Variants in GSTCD observed in about 807,000 individuals in gnomAD.
The protein encoded by GSTCD is glutathione S-transferase C-terminal domain containing.
A neutral mutation model predicts 68.3 loss-of-function variants in GSTCD; 44 were observed. The ratio of observed to expected loss-of-function variants is 0.64; its 90% CI spans 0.51 to 0.83. The LOEUF is 0.83. GSTCD is among the 40% of genes least tolerant of loss of function. GSTCD has a pLI of 0.00. For synonymous variants in GSTCD, 273 were observed against 255.2 expected, an observed-to-expected ratio of 1.07 and a Z score of -0.67; for missense variants, 739 against 735.9, an observed-to-expected ratio of 1.00 and a Z score of -0.05.
intron 8 of GSTCD, among the ~76,000 whole-genome samples, chr4:105,829,057 C>T (rs2216515): frequency 0.8 from 121,401 of 151,848 alleles, 49,176 homozygotes; most frequent in East Asian, 0.96. Flanking sequence ...CTCTTCCCTA[C>T]CCATCTGCCT....
chr4:105,752,831 A>G (rs1382664195), intron 5 of GSTCD, among the ~76,000 whole-genome samples: 2 of 152,076 alleles, frequency 1.3e-5, no homozygotes, highest in African/African-American at 4.8e-5. Context: ...ATTTTGCTTC[A>G]AAGGCTAAAA....
chr4:105,712,442 C>A (rs1202811104), intron 1 of GSTCD: 3 of 152,076 alleles, frequency 2.0e-5, no homozygotes, highest in African/African-American at 7.3e-5. Context: ...GAGATGAGGT[C>A]AGAAAGGGAT....
chr4:105,843,409 A>G (rs1724432535), intron 11 of GSTCD: 1 of 152,190 alleles, frequency 6.6e-6, no homozygotes, highest in African/African-American at 2.4e-5. Flanking sequence ...CACTAGACCC[A>G]TGTCTTAGTC....
At chr4:105,782,593 CT>C (rs34412787) in intron 5 of GSTCD, among the ~76,000 whole-genome samples, 8 of 148,420 alleles carry the variant, frequency 5.4e-5, no homozygotes, top group Non-Finnish European at 7.5e-5. Flanking sequence ...CTTGAGAATC[CT>C]TTTTTTTTTG....
intron 3 of GSTCD, among the ~76,000 whole-genome samples, chr4:105,720,250 A>C (rs1732820316): frequency 1.3e-5 from 2 of 152,194 alleles, no homozygotes. Context: ...GAACAGGGTG[A>C]AAATAATACC....
At chr4:105,777,204 G>A (rs2149247213) in intron 5 of GSTCD, among the ~76,000 whole-genome samples, 1 of 152,292 alleles carries the variant, frequency 6.6e-6, no homozygotes, top group South Asian at 2.1e-4. Context: ...CCTAAGGATA[G>A]TGAATTGATT....
At chr4:105,818,950 T>C (rs1214457593) in intron 5 of GSTCD, among the ~76,000 whole-genome samples, 5 of 151,784 alleles carry the variant, frequency 3.3e-5, no homozygotes, top group African/African-American at 9.7e-5. Flanking sequence ...TTTGAAGATA[T>C]ACTATATCCA....
chr4:105,710,325 A>G (rs1435174145), intron 1 of GSTCD, among the ~76,000 whole-genome samples: 2 of 142,650 alleles, frequency 1.4e-5, no homozygotes, highest in Non-Finnish European at 3.0e-5. Context: ...GGCTCAAGCA[A>G]TTCTCCTGCC....
intron 5 of GSTCD, among the ~76,000 whole-genome samples, chr4:105,760,660 A>G (rs1734370694): frequency 6.6e-6 from 1 of 152,184 alleles, no homozygotes; most frequent in Non-Finnish European, 1.5e-5. Flanking sequence ...ATTAAAAAGG[A>G]AGAAGAATGT....
At chr4:105,835,108 A>C (rs1398044646) in intron 9 of GSTCD, among the ~76,000 whole-genome samples, 5 of 152,330 alleles carry the variant, frequency 3.3e-5, no homozygotes, top group Non-Finnish European at 7.4e-5. Flanking sequence ...AAGCCTTTAG[A>C]AGTGGCAAGA....
chr4:105,782,168 G>T (rs1450414712), intron 5 of GSTCD, among the ~76,000 whole-genome samples: 1 of 152,030 alleles, frequency 6.6e-6, no homozygotes, highest in Non-Finnish European at 1.5e-5. Flanking sequence ...TAAATGAAGA[G>T]AATATGAGGA....
chr4:105,720,615 T>C (rs941504930), intron 3 of GSTCD, among the ~76,000 whole-genome samples: 1 of 152,188 alleles, frequency 6.6e-6, no homozygotes, highest in Non-Finnish European at 1.5e-5. Flanking sequence ...ATTGTTTAGA[T>C]GTTGATTGCT....
intron 1 of GSTCD, among the ~76,000 whole-genome samples, chr4:105,713,522 A>G (rs551448420): frequency 1.3e-5 from 2 of 152,318 alleles, no homozygotes; most frequent in African/African-American, 4.8e-5. Context: ...CTATTCTTAA[A>G]TGTCTCTAAA....
chr4:105,759,193 G>C (rs1162902928), intron 5 of GSTCD, among the ~76,000 whole-genome samples: 1 of 152,078 alleles, frequency 6.6e-6, no homozygotes, highest in Non-Finnish European at 1.5e-5. Context: ...ACAACATAGA[G>C]CCTGAGCTCT....
intron 5 of GSTCD, among the ~76,000 whole-genome samples, chr4:105,798,005 T>C (rs1578484350): frequency 6.6e-6 from 1 of 152,056 alleles, no homozygotes; most frequent in Non-Finnish European, 1.5e-5. Flanking sequence ...ACTTCTAAAA[T>C]TGGAGTCAGT....
At position 105,768,416 on chromosome 4, in the gene GSTCD, A is replaced by G. The variant is rs1309302891; in HGVS notation, c.1240+38917A>G. 2.6e-5 allele frequency among the ~76,000 whole-genome samples: 4 copies of G among 152,150 alleles called. No individual in the cohort carries two copies. The East Asian group carries it at 5.8e-4, about 22-fold the overall frequency. On this transcript the variant is annotated intron_variant, in intron 5 of 11. Transcript: ENST00000515279. ...TTTGTTGTTTTGAAAATTAGTTCTT[A>G]GCAGTCTATAGGTTTAAAAATTTTC...
intron 5 of GSTCD, among the ~76,000 whole-genome samples, chr4:105,817,450 G>C (rs147616249): frequency 1.6e-4 from 24 of 151,926 alleles, no homozygotes; most frequent in Admixed American, 2.6e-4. Flanking sequence ...CTGTTAAGCT[G>C]TTGATGATTT....
Position 105,778,577 on chromosome 4 carries a change from G to A in GSTCD, c.1241-44377G>A, listed in dbSNP as rs572538483. Among the ~76,000 whole-genome samples the A allele has an allele frequency of 1.5e-4, 23 of 151,968 alleles. No homozygotes were observed. The South Asian group carries it at 4.4e-3, about 29-fold the overall frequency. On this transcript the variant is annotated intron_variant, in intron 5 of 11. Transcript: ENST00000515279. ...TATCATGCCATTTTTTTCCCCACTGGTATAGCTAAATTTGAGAGAAATCTA... is the reference window on the plus strand; with the variant it reads ...TATCATGCCATTTTTTTCCCCACTGATATAGCTAAATTTGAGAGAAATCTA...
rs537200696 is a variant in GSTCD, at chr4:105,731,496, G to A, written c.1240+1997G>A. Among the ~76,000 whole-genome samples the A allele has an allele frequency of 2.6e-5, 4 of 152,202 alleles. No individual in the cohort carries two copies. The East Asian group carries it at 5.8e-4, about 22-fold the overall frequency. On this transcript the variant is annotated intron_variant, in intron 5 of 11. Transcript: ENST00000515279. Reference sequence around the variant, plus strand: ...GTATTTTATTCTCTTTGAAACAATTGTGAATGGGAGTTCACTCATAATTTG... The same window carrying A: ...GTATTTTATTCTCTTTGAAACAATTATGAATGGGAGTTCACTCATAATTTG...
Sources: allele counts gnomAD v4.1 joint callset (sites outside exome capture counted in the v4.1 genomes callset), GRCh38; gene constraint gnomAD v4.1.1; transcripts MANE v1.5; gene names NCBI Gene and HGNC (gene_info 2026-07-23, HGNC 2026-07-21).